The following ITCH variants were observed in gnomAD, a reference collection of about 807,000 sequenced individuals.
ITCH encodes itchy E3 ubiquitin protein ligase, also known as E3 ubiquitin-protein ligase Itchy homolog.
Under a neutral mutation model 126.8 loss-of-function variants are expected in ITCH, and 28 were observed. The observed-to-expected ratio is 0.22, with a 90% confidence interval of 0.16 to 0.30. The LOEUF is 0.30. Ranked by LOEUF, ITCH falls within the 10% of genes least tolerant of loss-of-function variation. ITCH has a pLI of 1.00. For synonymous variants in ITCH, 342 were observed against 340.0 expected (o/e 1.01, Z -0.06); for missense variants, 631 against 1,032.4 (o/e 0.61, Z 5.33).
chr20:34,374,336 T>C (rs1169806862), intron 2 of ITCH, among the ~76,000 whole-genome samples: 1 of 152,196 alleles, frequency 6.6e-6, no homozygotes, highest in Non-Finnish European at 1.5e-5. Flanking sequence ...TAGGTTGATT[T>C]TGAATTTTGA....
chr20:34,484,488 T>C (rs1988973788), intron 20 of ITCH, among the ~76,000 whole-genome samples: 1 of 152,230 alleles, frequency 6.6e-6, no homozygotes, highest in African/African-American at 2.4e-5. Context: ...TCTCCAGTTT[T>C]TTTGTTATGA....
intron 23 of ITCH, among the ~76,000 whole-genome samples, chr20:34,492,929 A>G (rs1379593679): frequency 6.6e-6 from 1 of 152,232 alleles, no homozygotes; most frequent in Non-Finnish European, 1.5e-5. Flanking sequence ...AGATCATTAT[A>G]TAATACAATA....
chr20:34,367,970 C>T (rs2037478986), intron 1 of ITCH, among the ~76,000 whole-genome samples: 1 of 152,094 alleles, frequency 6.6e-6, no homozygotes, highest in African/African-American at 2.4e-5. Flanking sequence ...TTCATTCTGT[C>T]TTAAGAAATT....
chr20:34,438,812 A>G (rs974084480), intron 8 of ITCH, among the ~76,000 whole-genome samples, 181 bp downstream of exon 8: 2 of 152,192 alleles, frequency 1.3e-5, no homozygotes, highest in Admixed American at 6.5e-5. Context: ...GTTTTTGTTC[A>G]AGGTGACGTT....
intron 7 of ITCH, among the ~76,000 whole-genome samples, chr20:34,431,660 C>T (rs538020222): frequency 6.6e-6 from 1 of 151,818 alleles, no homozygotes; most frequent in East Asian, 1.9e-4. Flanking sequence ...AGGAAGAGGA[C>T]AAACCAAAAA....
chr20:34,440,647 T>A (rs1983631292), intron 9 of ITCH, among the ~76,000 whole-genome samples: 1 of 151,912 alleles, frequency 6.6e-6, no homozygotes, highest in Admixed American at 6.6e-5. Context: ...AGTAGGGGAT[T>A]TCACCATGTT....
In ITCH at chr20:34,468,183, C is replaced by T. The variant is rs1035533401; in HGVS notation, c.1425-1865C>T. On this transcript the variant is annotated intron_variant, in intron 14 of 24. Transcript: ENST00000374864. ...CTGAGTAGCTGGGACTACAGACGCC[C>T]GCCACCACACCTGGCTAATTTTTTG... is the stretch of plus-strand genomic sequence containing the variant. Among the ~76,000 whole-genome samples the T allele has an allele frequency of 4.0e-5, 6 of 151,692 alleles. No individual in the cohort carries two copies. The South Asian group carries it at 1.2e-3, about 32-fold the overall frequency.
intron 23 of ITCH, 36 bp downstream of exon 23, chr20:34,492,633 T>C (rs748720362): frequency 6.9e-6 from 9 of 1,309,820 alleles, no homozygotes; most frequent in Non-Finnish European, 1.0e-5. Context: ...ATACAGAAAA[T>C]TGTTTATCAT....
In ITCH at chr20:34,508,354, A is replaced by G. The variant is rs554721787; in HGVS notation, c.*560A>G. On this transcript the variant is annotated 3_prime_UTR_variant, in exon 25 of 25. Transcript: ENST00000374864. The stretch of plus-strand genomic sequence containing the variant: ...ATACATCATTCCTGGAAGTGAGGCA[A>G]GACTCTTGCATCTCTACAAAGTAGT... 11 of 163,178 alleles carry G rather than the reference A, an allele frequency of 6.7e-5. No individual in the cohort carries two copies. The highest frequency in any genetic ancestry group is 2.6e-4 in the African/African-American group (11 of 41,656). 10.1% of individuals were successfully genotyped at this position (163,178 alleles called of 1,614,324 possible).
intron 13 of ITCH, among the ~76,000 whole-genome samples, chr20:34,458,117 G>A (rs550975733): frequency 1.3e-5 from 2 of 152,098 alleles, no homozygotes; most frequent in African/African-American, 2.4e-5. Context: ...TTTCAAGGAG[G>A]AAGAAAATAC....
chr20:34,473,034 A>G (rs1327536999), intron 16 of ITCH, among the ~76,000 whole-genome samples: 3 of 152,196 alleles, frequency 2.0e-5, no homozygotes, highest in Non-Finnish European at 4.4e-5. Context: ...TTGCAAAATA[A>G]CTGACTAGAT....
chr20:34,510,443 ATTTTTTTTTT>A lies in ITCH; in HGVS notation c.*2667_*2676del, dbSNP rs10598635. 26 of 63,226 alleles carry A rather than the reference ATTTTTTTTTT, an allele frequency of 4.1e-4. No homozygotes were observed. Among genetic ancestry groups the A allele is most frequent in the Non-Finnish European group, 6.3e-4 (23 of 36,452 alleles). 3.9% of individuals were successfully genotyped at this position (63,226 alleles called of 1,614,324 possible). ...TTGTAAATGCTAATAAATCCTGTTA[ATTTTTTTTTT>A]TTTTTTTTTTTTTTTTTACTGCATG... On this transcript the variant is annotated 3_prime_UTR_variant, in exon 25 of 25. Coordinates refer to ENST00000374864, the MANE Select transcript of ITCH (RefSeq NM_031483.7).
chr20:34,405,160 A>AT (rs1299360345), intron 3 of ITCH, among the ~76,000 whole-genome samples: 26 of 151,574 alleles, frequency 1.7e-4, no homozygotes, highest in African/African-American at 6.0e-4. Context: ...AAAAAAAAAA[A>AT]AAAAGGTTTC....
intron 6 of ITCH, among the ~76,000 whole-genome samples, chr20:34,419,829 C>T (rs918906129): frequency 1.3e-5 from 2 of 152,026 alleles, no homozygotes; most frequent in Non-Finnish European, 2.9e-5. Flanking sequence ...TAATTGTGTC[C>T]GTAGGCCATT....
chr20:34,380,812 G>T (rs1268625077), intron 2 of ITCH, among the ~76,000 whole-genome samples: 1 of 151,880 alleles, frequency 6.6e-6, no homozygotes, highest in Non-Finnish European at 1.5e-5. Context: ...TTTTGAGACA[G>T]AGTCTCACTC....
intron 17 of ITCH, among the ~76,000 whole-genome samples, chr20:34,478,779 TATA>T (rs1043639110): frequency 6.6e-6 from 1 of 152,184 alleles, no homozygotes; most frequent in Admixed American, 6.5e-5. Flanking sequence ...AAATATATGA[TATA>T]ATCATAGATA....
chr20:34,404,994 C>T (rs780321327), intron 3 of ITCH, among the ~76,000 whole-genome samples: 1 of 151,816 alleles, frequency 6.6e-6, no homozygotes, highest in Non-Finnish European at 1.5e-5. Flanking sequence ...CAAAAATTTC[C>T]TGGATGTGGT....
chr20:34,444,940 G>C (rs1171927694), intron 10 of ITCH, among the ~76,000 whole-genome samples: 1 of 152,010 alleles, frequency 6.6e-6, no homozygotes, highest in Non-Finnish European at 1.5e-5. Flanking sequence ...CACTGCACCT[G>C]GCCAAAAAGT....
At chr20:34,378,965 A>G (rs556355527) in intron 2 of ITCH, among the ~76,000 whole-genome samples, 8 of 152,164 alleles carry the variant, frequency 5.3e-5, no homozygotes, top group Non-Finnish European at 1.0e-4. Flanking sequence ...GCTGAAGCAA[A>G]CACACAGATT....
Sources: allele counts gnomAD v4.1 joint callset (sites outside exome capture counted in the v4.1 genomes callset), GRCh38; gene constraint gnomAD v4.1.1; transcripts MANE v1.5; gene names NCBI Gene and HGNC (gene_info 2026-07-23, HGNC 2026-07-21).